Variants in TFRC observed in about 807,000 individuals in gnomAD.
TFRC encodes the protein transferrin receptor protein 1.
A neutral mutation model predicts 85.8 loss-of-function variants in TFRC; 35 were observed. The ratio of observed to expected loss-of-function variants is 0.41; its 90% CI spans 0.31 to 0.54. The LOEUF (loss-of-function observed/expected upper bound fraction) is 0.54, where lower values mean the gene tolerates loss of function less well. Among genes scored for constraint, TFRC ranks in the 20% least tolerant of loss-of-function variants. The pLI is 0.31. For synonymous variants in TFRC, 362 were observed against 328.6 expected (o/e 1.10, Z -1.10); for missense variants, 828 against 921.5 (o/e 0.90, Z 1.31).
chr3:196,062,652 G>A lies in TFRC; in HGVS notation c.1405-7C>T, dbSNP rs568352545. 1.2e-6 allele frequency: 2 copies of A among 1,602,894 alleles called. No individual in the cohort carries two copies. Among genetic ancestry groups the A allele is most frequent in the African/African-American group, 1.3e-5 (1 of 74,210 alleles). ...GCAGGGACGAAAGGTATCCCTAGAAGAGAAGGGAAAACACTAATAAGTATA... is the reference window on the plus strand; with the variant it reads ...GCAGGGACGAAAGGTATCCCTAGAAAAGAAGGGAAAACACTAATAAGTATA... On this transcript the variant is annotated splice_polypyrimidine_tract_variant and splice_region_variant and intron_variant, in intron 12 of 18. Coordinates refer to ENST00000360110, the MANE Select transcript of TFRC (RefSeq NM_001128148.3).
chr3:196,063,435 C>T (rs903203254), intron 11 of TFRC: 1 of 153,882 alleles, frequency 6.5e-6, no homozygotes, highest in Non-Finnish European at 1.4e-5. Context: ...GTGACAGCAC[C>T]TTTTGAGGTT....
chr3:196,074,276 T>C (rs977874371), intron 3 of TFRC, 151 bp from the exon 4 acceptor site: 2 of 630,466 alleles, frequency 3.2e-6, no homozygotes, highest in Non-Finnish European at 5.3e-6. Flanking sequence ...CAGTTTTGTA[T>C]ACTTTAAACC....
chr3:196,075,566 AT>A (rs879865391), intron 2 of TFRC, among the ~76,000 whole-genome samples: 1,914 of 143,658 alleles, frequency 0.013, 27 homozygotes, highest in African/African-American at 0.036. Flanking sequence ...CTTTTTGTAA[AT>A]TTTTTTTTTT....
intron 1 of TFRC, among the ~76,000 whole-genome samples, chr3:196,081,139 T>G (rs1297519048): frequency 2.6e-5 from 4 of 152,210 alleles, no homozygotes; most frequent in African/African-American, 9.6e-5. Context: ...AATCGGCCTC[T>G]CCGGCGCCCA....
chr3:196,065,412 C>G (rs1553796163), intron 10 of TFRC, 31 bp downstream of exon 10: 3 of 937,034 alleles, frequency 3.2e-6, no homozygotes, highest in African/African-American at 4.4e-5. Flanking sequence ...AAAAAAAAAG[C>G]GGGGCGGGGG....
Position 196,062,845 on chromosome 3 carries a change from A to T in TFRC, c.1404+9T>A. Reference sequence around the variant, plus strand: ...CGTGTCCAATATGGGAAGGGATGATAAAGAATACCTCTAGCCATTCAGTGG... The same window carrying T: ...CGTGTCCAATATGGGAAGGGATGATTAAGAATACCTCTAGCCATTCAGTGG... On this transcript the variant is annotated intron_variant, in intron 12 of 18. Coordinates refer to ENST00000360110, the MANE Select transcript of TFRC (RefSeq NM_001128148.3). 6.2e-7 allele frequency: 1 copy of T among 1,613,558 alleles called. No homozygotes were observed. The highest frequency in any genetic ancestry group is 1.6e-4 in the Middle Eastern group (1 of 6,062).
chr3:196,072,557 G>A (rs951159043), intron 4 of TFRC, among the ~76,000 whole-genome samples: 1 of 152,110 alleles, frequency 6.6e-6, no homozygotes, highest in Non-Finnish European at 1.5e-5. Flanking sequence ...TCCTTGGTCC[G>A]ATCTCCCATA....
At chr3:196,066,574 T>C (rs560529842) in intron 9 of TFRC, among the ~76,000 whole-genome samples, 5 of 152,288 alleles carry the variant, frequency 3.3e-5, no homozygotes, top group Admixed American at 1.3e-4. Context: ...CCCTACTACA[T>C]AAGGATAAGA....
At chr3:196,058,540 C>T in intron 15 of TFRC, 34 bp downstream of exon 15, 1 of 1,596,296 alleles carries the variant, frequency 6.3e-7, no homozygotes, top group Non-Finnish European at 8.5e-7. Context: ...CTCTGCTTTT[C>T]TATTAGTTTG....
At chr3:196,070,832 G>A (rs1245926779) in intron 6 of TFRC, among the ~76,000 whole-genome samples, 1 of 131,686 alleles carries the variant, frequency 7.6e-6, no homozygotes, top group African/African-American at 2.6e-5. Context: ...AAATTAACTG[G>A]ACATCTCAGC....
Position 196,072,124 on chromosome 3 carries a change from G to A in TFRC, c.463C>T (p.Arg155Cys), listed in dbSNP as rs377519674. 9.9e-6 allele frequency: 16 copies of A among 1,613,754 alleles called. No homozygotes were observed. Among genetic ancestry groups the A allele is most frequent in the African/African-American group, 8.0e-5 (6 of 74,892 alleles). The change falls in exon 5 of 19, where the codon CGT becomes TGT. Residue 155 changes from arginine to cysteine, a missense_variant. Transcript: ENST00000360110. ...TCATCTTTTTGAGATCCAGCCTCAC[G>A]AGGGACATATGAATTTTCATTCAGC... The part of the protein sequence containing the change: ...KLLNENSYVP[R>C]EAGSQKDENL...
chr3:196,050,860 T>A lies in TFRC; in HGVS notation c.*1082A>T, dbSNP rs1319433446. 4.9e-6 allele frequency: 1 copy of A among 202,668 alleles called. No individual in the cohort carries two copies. Among genetic ancestry groups the A allele is most frequent in the East Asian group, 7.6e-5 (1 of 13,094 alleles). 12.6% of individuals were successfully genotyped at this position (202,668 alleles called of 1,614,324 possible). A position where few individuals can be genotyped will look rare whatever the true frequency, so the allele number is the denominator to read the frequency against. On this transcript the variant is annotated 3_prime_UTR_variant, in exon 19 of 19. Coordinates refer to ENST00000360110, the MANE Select transcript of TFRC (RefSeq NM_001128148.3). ...TCAACTTTATTCAATTACATTTGGCTGACGGCTGTTTTCTAAAACCCTTAA... is the reference window on the plus strand; with the variant it reads ...TCAACTTTATTCAATTACATTTGGCAGACGGCTGTTTTCTAAAACCCTTAA...
chr3:196,060,877 G>A (rs1339572581), intron 13 of TFRC, among the ~76,000 whole-genome samples: 1 of 149,410 alleles, frequency 6.7e-6, no homozygotes, highest in Non-Finnish European at 1.5e-5. Flanking sequence ...GTACCTAGAG[G>A]TCCCATAAAT....
At chr3:196,067,803 T>G in intron 8 of TFRC, 146 bp from the exon 9 acceptor site, 1 of 938,452 alleles carries the variant, frequency 1.1e-6, no homozygotes, top group Non-Finnish European at 1.6e-6. Flanking sequence ...ATGTGACTCC[T>G]GTTTTCATGG....
Position 196,051,891 on chromosome 3 carries a change from T to C in TFRC, c.*51A>G. 1 of 1,586,770 alleles carries C rather than the reference T, an allele frequency of 6.3e-7. No individual in the cohort carries two copies. Among genetic ancestry groups the C allele is most frequent in the Non-Finnish European group, 8.6e-7 (1 of 1,166,414 alleles). The stretch of plus-strand genomic sequence containing the variant: ...GAAAATTTAGCACGATCAGCACAAG[T>C]CTAGAAACCAGACTACCCTGCTGTT... On this transcript the variant is annotated 3_prime_UTR_variant, in exon 19 of 19. Coordinates refer to ENST00000360110, the MANE Select transcript of TFRC (RefSeq NM_001128148.3).
intron 1 of TFRC, among the ~76,000 whole-genome samples, chr3:196,079,846 A>G (rs954588809): frequency 1.3e-5 from 2 of 152,144 alleles, no homozygotes; most frequent in African/African-American, 4.8e-5. Context: ...ACCCACCAAC[A>G]TTCTTCTCTG....
At chr3:196,074,878 C>CA (rs34596231) in intron 3 of TFRC, among the ~76,000 whole-genome samples, 24,506 of 98,570 alleles carry the variant, frequency 0.25, 3,063 homozygotes, top group Middle Eastern at 0.32. Flanking sequence ...GACTCCAACT[C>CA]AAAAAAAAAA....
At chr3:196,057,614 T>C (rs1003342597) in intron 16 of TFRC, among the ~76,000 whole-genome samples, 1 of 151,842 alleles carries the variant, frequency 6.6e-6, no homozygotes, top group Admixed American at 6.6e-5. Context: ...TGCAGTAAAT[T>C]TGGTCTCAAA....
chr3:196,050,853 A>G lies in TFRC; in HGVS notation c.*1089T>C, dbSNP rs1195826078. 5.0e-6 allele frequency: 1 copy of G among 198,788 alleles called. No homozygotes were observed. The highest frequency in any genetic ancestry group is 7.9e-5 in the East Asian group (1 of 12,718). 12.3% of individuals were successfully genotyped at this position (198,788 alleles called of 1,614,324 possible). A position where few individuals can be genotyped will look rare whatever the true frequency, so the allele number is the denominator to read the frequency against. On this transcript the variant is annotated 3_prime_UTR_variant, in exon 19 of 19. Transcript: ENST00000360110. ...CTTAGCTTCAACTTTATTCAATTAC[A>G]TTTGGCTGACGGCTGTTTTCTAAAA...
Sources: allele counts gnomAD v4.1 joint callset (sites outside exome capture counted in the v4.1 genomes callset), GRCh38; gene constraint gnomAD v4.1.1; transcripts MANE v1.5; gene names NCBI Gene and HGNC (gene_info 2026-07-23, HGNC 2026-07-21).